Variants in GLB1L3 observed in about 807,000 individuals in gnomAD.
GLB1L3 encodes galactosidase beta 1 like 3, also known as beta-galactosidase-1-like protein 3.
Under a neutral mutation model 89.5 loss-of-function variants are expected in GLB1L3, and 89 were observed. The observed-to-expected ratio is 0.99, with a 90% CI of 0.84 to 1.19. The LOEUF (loss-of-function observed/expected upper bound fraction) is 1.19. GLB1L3 is among the 50% of genes most tolerant of loss of function. The pLI is 0.00. For missense variants in GLB1L3, 812 were observed against 813.3 expected (o/e 1.00, Z 0.02); for synonymous variants, 314 against 312.3 (o/e 1.01, Z -0.06).
At position 134,276,417 on chromosome 11, in the gene GLB1L3, C is replaced by T. The variant is rs912519214; in HGVS notation, c.-324C>T. ...CCGGCTGTCGACCCAGGTTAGGAAGCCCGAGGTCGGGGCGTTACCCCAAGG... is the reference window on the plus strand; with the variant it reads ...CCGGCTGTCGACCCAGGTTAGGAAGTCCGAGGTCGGGGCGTTACCCCAAGG... On this transcript the variant is annotated 5_prime_UTR_variant, in exon 1 of 20. Coordinates refer to ENST00000431683, the MANE Select transcript of GLB1L3 (RefSeq NM_001080407.3). 6 of 290,524 alleles carry T rather than the reference C, an allele frequency of 2.1e-5. No individual in the cohort carries two copies. Among genetic ancestry groups the T allele is most frequent in the African/African-American group, 1.1e-4 (5 of 45,678 alleles). 18.0% of individuals were successfully genotyped at this position (290,524 alleles called of 1,614,324 possible).
intron 12 of GLB1L3, 34 bp downstream of exon 12, chr11:134,310,685 C>T (rs1192270460): frequency 6.7e-7 from 1 of 1,503,210 alleles, no homozygotes; most frequent in Non-Finnish European, 9.2e-7. Context: ...CGGGCCAGCC[C>T]TCCTCATGTG....
At chr11:134,296,623 A>G (rs1225897369) in intron 9 of GLB1L3, among the ~76,000 whole-genome samples, 2 of 144,698 alleles carry the variant, frequency 1.4e-5, no homozygotes, top group African/African-American at 2.6e-5. Flanking sequence ...ATTCTCACTC[A>G]TAGGTGGGAA....
downstream of GLB1L3, among the ~76,000 whole-genome samples, chr11:134,322,735 G>A (rs576187242): frequency 6.6e-6 from 1 of 152,274 alleles, no homozygotes; most frequent in South Asian, 2.1e-4. Context: ...GGATGCTGTA[G>A]CATGTATATT....
At chr11:134,310,052 C>T in intron 11 of GLB1L3, 1 of 474,232 alleles carries the variant, frequency 2.1e-6, no homozygotes, top group Non-Finnish European at 3.8e-6. Context: ...ACGGTGACTG[C>T]TGTAAAGGCA....
rs374479853 is a variant in GLB1L3 at position 134,295,321 on chromosome 11, G to A, written c.876+2112G>A. On this transcript the variant is annotated intron_variant, in intron 9 of 19. Transcript: ENST00000431683. ...GGAAAATTTAAGTTATTTCTTCTTGGGTGAGTTGTAGTAATTTACATCTTT... is the reference window on the plus strand; with the variant it reads ...GGAAAATTTAAGTTATTTCTTCTTGAGTGAGTTGTAGTAATTTACATCTTT... 7.9e-5 allele frequency among the ~76,000 whole-genome samples: 12 copies of A among 152,116 alleles called. No homozygotes were observed. In the East Asian group the frequency reaches 9.7e-4, roughly 12 times the overall value.
chr11:134,324,449 A>T (rs961653287), downstream of GLB1L3, among the ~76,000 whole-genome samples: 46 of 152,212 alleles, frequency 3.0e-4, no homozygotes, highest in Non-Finnish European at 4.3e-4. Context: ...TTATCCTGAG[A>T]AGCTTTTTAT....
At chr11:134,290,038 C>T (rs904714730) in intron 7 of GLB1L3, among the ~76,000 whole-genome samples, 7 of 152,120 alleles carry the variant, frequency 4.6e-5, no homozygotes, top group East Asian at 1.9e-4. Context: ...GGGAGGAGGG[C>T]GGGGCTGGAC....
chr11:134,290,073 C>A (rs1941261218), intron 7 of GLB1L3, among the ~76,000 whole-genome samples: 1 of 152,238 alleles, frequency 6.6e-6, no homozygotes, highest in African/African-American at 2.4e-5. Context: ...GGCTCCCGCG[C>A]TATAGCTGTG....
At chr11:134,306,373 A>G (rs907789029) in intron 9 of GLB1L3, among the ~76,000 whole-genome samples, 1 of 152,228 alleles carries the variant, frequency 6.6e-6, no homozygotes, top group African/African-American at 2.4e-5. Context: ...TTTATTTTCC[A>G]CTCATCTTTT....
Position 134,311,076 on chromosome 11 carries a change from C to A in GLB1L3, c.1193C>A (p.Pro398His). The A allele has an allele frequency of 6.2e-7, 1 of 1,613,700 alleles. No individual in the cohort carries two copies. Among genetic ancestry groups the A allele is most frequent in the Non-Finnish European group, 8.5e-7 (1 of 1,179,752 alleles). Residue 398 changes from proline to histidine, a missense_variant, in exon 13 of 20, where the codon CCC becomes CAC. Physicochemically the swap from Pro to His is moderately conservative, Grantham distance 77 (BLOSUM62 -2). This residue lies in a region of GLB1L3 where 618 missense variants were observed against 604.0 expected (regional missense o/e 1.02). Coordinates refer to ENST00000431683, the MANE Select transcript of GLB1L3 (RefSeq NM_001080407.3). Reference sequence around the variant, plus strand: ...ATCTCCATTGCAGCAACTCCCCTGCCCCGAGTACCCAAACTTCCTCCCAAG... The same window carrying A: ...ATCTCCATTGCAGCAACTCCCCTGCACCGAGTACCCAAACTTCCTCCCAAG... ...LFQSVSATPLPRVPKLPPKAV... is the reference protein window; with the variant it reads ...LFQSVSATPLHRVPKLPPKAV...
chr11:134,320,837 T>C (rs1397650615), downstream of GLB1L3, among the ~76,000 whole-genome samples: 1 of 152,150 alleles, frequency 6.6e-6, no homozygotes, highest in East Asian at 1.9e-4. Flanking sequence ...GCGGCCTTTC[T>C]CAATGTCCCA....
chr11:134,291,524 A>G (rs781194417), intron 7 of GLB1L3, among the ~76,000 whole-genome samples: 1 of 152,148 alleles, frequency 6.6e-6, no homozygotes, highest in Admixed American at 6.5e-5. Flanking sequence ...GGCATGAGCC[A>G]CCATGCCTGG....
chr11:134,313,598 G>A, intron 16 of GLB1L3, 124 bp downstream of exon 16: 2 of 833,746 alleles, frequency 2.4e-6, no homozygotes, highest in South Asian at 3.2e-5. Context: ...CAGGCCCTGG[G>A]AGCAGAGATG....
In GLB1L3 at chr11:134,318,747, G is replaced by C. The variant is rs1439388315; in HGVS notation, c.1896G>C (p.Glu632Asp). 2 of 1,589,308 alleles carry C rather than the reference G, an allele frequency of 1.3e-6. No individual in the cohort carries two copies. The highest frequency in any genetic ancestry group is 1.7e-6 in the Non-Finnish European group (2 of 1,158,138). ...TTTGGCTTCATCCAGAAGACAATGA[G>C]GTATGTCACTCCAGTCTCTGCCTTG... ...PGVWLHPEDN[E>D]VILFEKMMSG... Residue 632 changes from glutamate to aspartate, a missense_variant and splice_region_variant, in exon 19 of 20, where the codon GAG (glutamate) becomes GAC (aspartate). Physicochemically the swap from Glu to Asp is conservative, Grantham distance 45. This residue lies in a region of GLB1L3 where 618 missense variants were observed against 604.0 expected (regional missense o/e 1.02). Coordinates refer to ENST00000431683, the MANE Select transcript of GLB1L3 (RefSeq NM_001080407.3).
At chr11:134,289,861 G>C (rs1018340238) in intron 7 of GLB1L3, among the ~76,000 whole-genome samples, 1 of 152,190 alleles carries the variant, frequency 6.6e-6, no homozygotes, top group Non-Finnish European at 1.5e-5. Flanking sequence ...GCTGATGAGA[G>C]TTCAGTCTCA....
Position 134,310,609 on chromosome 11 carries a change from G to C in GLB1L3, c.1138G>C (p.Glu380Gln). 1 of 1,613,614 alleles carries C rather than the reference G, an allele frequency of 6.2e-7. No individual in the cohort carries two copies. Among genetic ancestry groups the C allele is most frequent in the Non-Finnish European group, 8.5e-7 (1 of 1,179,710 alleles). The change falls in exon 12 of 20, where the codon GAA (glutamate) becomes CAA (glutamine). Residue 380 changes from glutamate to glutamine, a missense_variant. By Grantham distance (29) the Glu-to-Gln change is conservative (BLOSUM62 2). This residue lies in a region of GLB1L3 where 618 missense variants were observed against 604.0 expected (regional missense o/e 1.02). Coordinates refer to ENST00000431683, the MANE Select transcript of GLB1L3 (RefSeq NM_001080407.3). ...AVLTEAGDYT[E>Q]KYLKLQKLFQ... ...GCTCACGGAGGCTGGAGATTACACA[G>C]AAAAATATCTGAAGCTTCAAAAACT...
Position 134,315,817 on chromosome 11 carries a change from C to A in GLB1L3, c.1779+1376C>A, listed in dbSNP as rs903146940. 3.3e-5 allele frequency among the ~76,000 whole-genome samples: 5 copies of A among 152,094 alleles called. 1 individual carries two copies. Among genetic ancestry groups the A allele is most frequent in the South Asian group, 2.1e-4 (1 of 4,820 alleles). Reference sequence around the variant, plus strand: ...CTTTATTATTTTGTTTATTCAATTTCTTAGTTTAGGATTAATTTGCTTTAT... The same window carrying A: ...CTTTATTATTTTGTTTATTCAATTTATTAGTTTAGGATTAATTTGCTTTAT... On this transcript the variant is annotated intron_variant, in intron 18 of 19. Coordinates refer to ENST00000431683, the MANE Select transcript of GLB1L3 (RefSeq NM_001080407.3).
chr11:134,289,766 C>G (rs1465834136), intron 7 of GLB1L3, among the ~76,000 whole-genome samples: 2 of 152,204 alleles, frequency 1.3e-5, no homozygotes, highest in African/African-American at 4.8e-5. Flanking sequence ...GAGGGACTGT[C>G]AGGCCAGGGA....
chr11:134,315,507 A>G (rs538866439), intron 18 of GLB1L3, among the ~76,000 whole-genome samples: 1 of 152,306 alleles, frequency 6.6e-6, no homozygotes, highest in South Asian at 2.1e-4. Context: ...TTAAAGTACT[A>G]TTCAGATTTT....
Sources: allele counts gnomAD v4.1 joint callset (sites outside exome capture counted in the v4.1 genomes callset), GRCh38; gene constraint gnomAD v4.1.1; regional missense constraint gnomAD v4.1.1; transcripts MANE v1.5; gene names NCBI Gene and HGNC (gene_info 2026-07-23, HGNC 2026-07-21).